The following METTL9 variants were observed in gnomAD, a reference collection of about 807,000 sequenced individuals.
METTL9 encodes the protein protein-L-histidine N-pros-methyltransferase.
METTL9 carries 10 observed loss-of-function variants against 36.0 expected under a neutral mutation model. That is an observed-to-expected ratio of 0.28 (90% confidence interval 0.17 to 0.47). The LOEUF is 0.47. METTL9 is among the 20% of genes least tolerant of loss of function. The pLI is 0.99. For missense variants in METTL9, 246 were observed against 383.5 expected (o/e 0.64, Z 3.00); for synonymous variants, 175 against 149.7 (o/e 1.17, Z -1.23).
upstream of METTL9, chr16:21,599,505 T>A: frequency 8.2e-7 from 1 of 1,220,232 alleles, no homozygotes; most frequent in Non-Finnish European, 1.0e-6. This position sits in a 1 kb window ranked among gnomAD's most constrained non-coding sequence, Gnocchi z 4.4. Context: ...GGATGGAAAC[T>A]GGTGCAGGGG....
chr16:21,647,091 C>A, intron 4 of METTL9: 1 of 1,613,646 alleles, frequency 6.2e-7, no homozygotes, highest in African/African-American at 1.3e-5. Context: ...CAGGCCTGAA[C>A]AAGATGCAAT....
chr16:21,654,103 A>T (rs930480606), intron 4 of METTL9: 2 of 133,832 alleles, frequency 1.5e-5, no homozygotes, highest in South Asian at 4.5e-4. Context: ...GTGCAGTGGC[A>T]CGATCTTGGC....
At chr16:21,636,494 A>T (rs961982073) in intron 4 of METTL9, among the ~76,000 whole-genome samples, 8 of 152,200 alleles carry the variant, frequency 5.3e-5, no homozygotes, top group African/African-American at 1.9e-4. Context: ...AGTTTGTCTG[A>T]CAGGCGTTAG....
chr16:21,649,766 G>A (rs1488282340), intron 4 of METTL9, among the ~76,000 whole-genome samples: 9 of 152,278 alleles, frequency 5.9e-5, no homozygotes, highest in South Asian at 4.1e-4. Flanking sequence ...ATGCAGTGGT[G>A]TGATCTTGGC....
chr16:21,648,295 TATA>T, intron 4 of METTL9, among the ~76,000 whole-genome samples: 1 of 152,286 alleles, frequency 6.6e-6, no homozygotes, highest in East Asian at 1.9e-4. Context: ...TTCCCAGCAT[TATA>T]ATCTCAGTAT....
At chr16:21,650,038 A>G (rs1419630873) in intron 4 of METTL9, among the ~76,000 whole-genome samples, 1 of 152,210 alleles carries the variant, frequency 6.6e-6, no homozygotes, top group Admixed American at 6.5e-5. Context: ...AGTCACAGCT[A>G]CTCAGGAGGC....
chr16:21,618,116 A>C (rs758765804), intron 3 of METTL9, 42 bp downstream of exon 3: 2 of 1,359,376 alleles, frequency 1.5e-6, no homozygotes, highest in South Asian at 2.9e-5. Flanking sequence ...TCTTGAAAGT[A>C]TATTATTTAA....
intron 4 of METTL9, chr16:21,652,370 T>C: frequency 2.0e-6 from 1 of 493,008 alleles, no homozygotes; most frequent in Non-Finnish European, 3.5e-6. Context: ...ATTTTTTTAT[T>C]GTCTATTTCT....
At chr16:21,649,362 A>C (rs1258641976) in intron 4 of METTL9, among the ~76,000 whole-genome samples, 3 of 152,140 alleles carry the variant, frequency 2.0e-5, no homozygotes, top group Admixed American at 6.6e-5. Flanking sequence ...TGGTGACCTG[A>C]TAAATGCAAA....
At chr16:21,601,984 A>C (rs1567323445) in intron 1 of METTL9, among the ~76,000 whole-genome samples, 1 of 152,190 alleles carries the variant, frequency 6.6e-6, no homozygotes, top group East Asian at 1.9e-4. Context: ...TAAAGTAGGA[A>C]ACTGTCCTTT....
intron 1 of METTL9, 100 bp from the exon 2 acceptor site, chr16:21,612,545 T>C: frequency 8.9e-7 from 1 of 1,119,342 alleles, no homozygotes; most frequent in Non-Finnish European, 1.2e-6. Flanking sequence ...TTGGAAATCT[T>C]AGATGTGATT....
chr16:21,632,319 A>G (rs1466992399), intron 4 of METTL9, among the ~76,000 whole-genome samples: 1 of 152,232 alleles, frequency 6.6e-6, no homozygotes, highest in Non-Finnish European at 1.5e-5. Context: ...GGTAAGTGCC[A>G]CTAGTTATGC....
chr16:21,604,431 GGAGT>G (rs1369375901), intron 1 of METTL9, among the ~76,000 whole-genome samples: 3 of 152,080 alleles, frequency 2.0e-5, no homozygotes, highest in Admixed American at 2.0e-4. Flanking sequence ...TGTCCTATGG[GGAGT>G]GAGTATTTAG....
intron 4 of METTL9, among the ~76,000 whole-genome samples, chr16:21,649,479 C>G (rs1463190276): frequency 6.6e-6 from 1 of 152,084 alleles, no homozygotes; most frequent in Admixed American, 6.6e-5. Flanking sequence ...GGATTGGATT[C>G]CCTCTCAAGT....
chr16:21,600,116 A>G (rs941980248), intron 1 of METTL9, among the ~76,000 whole-genome samples: 5 of 152,030 alleles, frequency 3.3e-5, no homozygotes, highest in African/African-American at 1.2e-4. Context: ...TTTGTTCCGC[A>G]GCGCAGGCGG....
intron 1 of METTL9, among the ~76,000 whole-genome samples, chr16:21,605,902 A>T (rs1165535789): frequency 6.6e-6 from 1 of 152,154 alleles, no homozygotes; most frequent in African/African-American, 2.4e-5. Context: ...GACTGCCCTC[A>T]CTTCAGAGGC....
intron 3 of METTL9, among the ~76,000 whole-genome samples, chr16:21,619,587 A>ATTTTTTTT (rs35728063): frequency 1.6e-4 from 20 of 124,216 alleles, no homozygotes; most frequent in Admixed American, 3.6e-4. Flanking sequence ...TGCCCGGCTA[A>ATTTTTTTT]TTTTTTTTTT....
At chr16:21,631,325 T>A (rs1965955229) in intron 4 of METTL9, among the ~76,000 whole-genome samples, 1 of 152,200 alleles carries the variant, frequency 6.6e-6, no homozygotes, top group South Asian at 2.1e-4. Context: ...CACTGTTAAC[T>A]TTTAGCAAAC....
At chr16:21,598,725 C>T (rs905200380), upstream of METTL9, among the ~76,000 whole-genome samples, 3 of 152,176 alleles carry the variant, frequency 2.0e-5, no homozygotes, top group Non-Finnish European at 4.4e-5. Flanking sequence ...GGGTTAAACA[C>T]TGCTCCCAGA....
Sources: allele counts gnomAD v4.1 joint callset (sites outside exome capture counted in the v4.1 genomes callset), GRCh38; gene constraint gnomAD v4.1.1; non-coding constraint Gnocchi (gnomAD v3.1); transcripts MANE v1.5; gene names NCBI Gene and HGNC (gene_info 2026-07-23, HGNC 2026-07-21).